C10orf67: variants seen among roughly 807,000 people sequenced by gnomAD.
C10orf67 encodes the protein chromosome 10 open reading frame 67, also known as uncharacterized protein C10orf67, mitochondrial.
In C10orf67, 60 loss-of-function variants were observed where a neutral mutation model predicts 35.6. The observed-to-expected ratio is 1.68, with a 90% CI of 1.37 to 2.09. The LOEUF (loss-of-function observed/expected upper bound fraction) is 2.09. Among genes scored for constraint, C10orf67 ranks in the 30% most tolerant of loss-of-function variants. C10orf67 has a pLI of 0.00. For synonymous variants in C10orf67, 167 were observed against 115.8 expected (o/e 1.44, Z -2.84); for missense variants, 474 against 330.2 (o/e 1.44, Z -3.38).
At chr10:23,309,953 T>C (rs560434722) in intron 4 of C10orf67, among the ~76,000 whole-genome samples, 1 of 152,360 alleles carries the variant, frequency 6.6e-6, no homozygotes, top group African/African-American at 2.4e-5. Flanking sequence ...GGATTTACCT[T>C]TGGCTTTTCA....
chr10:23,310,829 T>A (rs756466803), intron 4 of C10orf67, among the ~76,000 whole-genome samples: 5 of 152,204 alleles, frequency 3.3e-5, no homozygotes, highest in African/African-American at 9.6e-5. Context: ...CCCAAAATGG[T>A]CCTCTTGACC....
At chr10:23,301,442 C>T (rs539163553) in intron 5 of C10orf67, among the ~76,000 whole-genome samples, 1 of 152,204 alleles carries the variant, frequency 6.6e-6, no homozygotes, top group Non-Finnish European at 1.5e-5. Context: ...TATTTTCCTC[C>T]AATTCTAAGG....
At chr10:23,276,177 T>C (rs1363306439) in intron 8 of C10orf67, among the ~76,000 whole-genome samples, 2 of 152,172 alleles carry the variant, frequency 1.3e-5, no homozygotes, top group Admixed American at 6.5e-5. Flanking sequence ...CTTTAACCAC[T>C]GAGTGTAGGT....
At chr10:23,247,445 C>CTA (rs941996837) in intron 12 of C10orf67, among the ~76,000 whole-genome samples, 22 of 152,250 alleles carry the variant, frequency 1.4e-4, no homozygotes, top group African/African-American at 4.3e-4. Flanking sequence ...GAGCAATAGG[C>CTA]TATACCATAT....
At chr10:23,230,109 G>A (rs1452005148) in intron 13 of C10orf67, among the ~76,000 whole-genome samples, 1 of 152,080 alleles carries the variant, frequency 6.6e-6, no homozygotes, top group Non-Finnish European at 1.5e-5. Flanking sequence ...TATTAAATCA[G>A]TGTTATATTG....
At chr10:23,296,034 A>G (rs2132270521) in intron 5 of C10orf67, among the ~76,000 whole-genome samples, 1 of 152,354 alleles carries the variant, frequency 6.6e-6, no homozygotes, top group African/African-American at 2.4e-5. Context: ...GAAGTTTTAA[A>G]TAAGAGTACT....
downstream of C10orf67, chr10:23,202,445 T>C (rs1418151336): frequency 6.6e-6 from 1 of 151,824 alleles, no homozygotes; most frequent in Non-Finnish European, 1.5e-5. Context: ...TTTTTCCTAT[T>C]ATATGCATTT....
At chr10:23,301,527 T>C (rs937989580) in intron 5 of C10orf67, among the ~76,000 whole-genome samples, 2 of 152,302 alleles carry the variant, frequency 1.3e-5, no homozygotes, top group East Asian at 3.9e-4. Flanking sequence ...GTCACCAAAA[T>C]GTTACTGGGG....
At chr10:23,214,616 C>T (rs12771217) in intron 15 of C10orf67, among the ~76,000 whole-genome samples, 1 of 151,734 alleles carries the variant, frequency 6.6e-6, no homozygotes, top group Admixed American at 6.6e-5. Flanking sequence ...ATCCAACAAC[C>T]AAAAAAAGTA....
chr10:23,251,003 G>A (rs1385660075), intron 10 of C10orf67, among the ~76,000 whole-genome samples: 4 of 152,112 alleles, frequency 2.6e-5, no homozygotes, highest in Non-Finnish European at 5.9e-5. Flanking sequence ...AGGCTGAGAA[G>A]GGAGAATTAC....
In C10orf67 at chr10:23,303,417, C is replaced by T; in HGVS notation, c.589G>A (p.Ala197Thr). 3.3e-6 allele frequency: 2 copies of T among 613,540 alleles called. No homozygotes were observed. The highest frequency in any genetic ancestry group is 5.9e-6 in the Non-Finnish European group (2 of 340,246). 38.0% of individuals were successfully genotyped at this position (613,540 alleles called of 1,614,324 possible). A position where few individuals can be genotyped will look rare whatever the true frequency, so the allele number is the denominator to read the frequency against. The change falls in exon 5 of 16, where the codon GCG becomes ACG. Residue 197 changes from alanine (A) to threonine (T), a missense_variant. Ala to Thr is a moderately conservative substitution (Grantham distance 58, BLOSUM62 0). Coordinates refer to ENST00000636213, the MANE Select transcript of C10orf67 (RefSeq NM_001371909.1). ...VEEENVSLQD[A>T]STVKTNILLR... is the part of the protein sequence containing the mutation. ...AAAATATTTGTTTTGACAGTACTCGCATCTTGCAAAGAAACATTCTCTTCT... is the reference window on the plus strand; with the variant it reads ...AAAATATTTGTTTTGACAGTACTCGTATCTTGCAAAGAAACATTCTCTTCT...
intron 2 of C10orf67, among the ~76,000 whole-genome samples, chr10:23,329,922 T>C (rs995856038): frequency 6.6e-6 from 1 of 152,030 alleles, no homozygotes; most frequent in Non-Finnish European, 1.5e-5. Context: ...GGAAATATTA[T>C]GATCCAGTTA....
chr10:23,250,947 A>G (rs998159635), intron 10 of C10orf67, among the ~76,000 whole-genome samples: 2 of 152,096 alleles, frequency 1.3e-5, no homozygotes, highest in African/African-American at 4.8e-5. Context: ...AAAATTAAAC[A>G]TTAGCAAGGC....
chr10:23,302,257 A>G (rs1239911079), intron 5 of C10orf67, among the ~76,000 whole-genome samples: 1 of 151,688 alleles, frequency 6.6e-6, no homozygotes, highest in Non-Finnish European at 1.5e-5. Flanking sequence ...TATAATCTGT[A>G]CATTTTCTAT....
chr10:23,333,827 T>A (rs1845569003), intron 1 of C10orf67, among the ~76,000 whole-genome samples: 2 of 152,284 alleles, frequency 1.3e-5, no homozygotes, highest in African/African-American at 4.8e-5. Flanking sequence ...ACAGCTAGTT[T>A]TTCTTTAAAA....
chr10:23,320,076 A>G (rs1844884553), intron 4 of C10orf67, among the ~76,000 whole-genome samples: 1 of 152,224 alleles, frequency 6.6e-6, no homozygotes, highest in African/African-American at 2.4e-5. Context: ...AGTAACACAC[A>G]GGAGATCCTT....
chr10:23,311,770 G>A (rs1460569331), intron 4 of C10orf67, among the ~76,000 whole-genome samples: 1 of 151,894 alleles, frequency 6.6e-6, no homozygotes, highest in African/African-American at 2.4e-5. Context: ...AATAGTTACT[G>A]CCTGCTGTTC....
At chr10:23,233,274 A>C (rs917305570) in intron 13 of C10orf67, among the ~76,000 whole-genome samples, 1 of 152,228 alleles carries the variant, frequency 6.6e-6, no homozygotes, top group African/African-American at 2.4e-5. Context: ...TATCCTGATG[A>C]CATCTTTTTA....
chr10:23,270,293 C>T (rs113123034), intron 8 of C10orf67, among the ~76,000 whole-genome samples: 191 of 152,240 alleles, frequency 1.3e-3, no homozygotes, highest in African/African-American at 4.5e-3. Flanking sequence ...AACCCCTGCC[C>T]CCAGCCAAGG....
Sources: allele counts gnomAD v4.1 joint callset (sites outside exome capture counted in the v4.1 genomes callset), GRCh38; gene constraint gnomAD v4.1.1; transcripts MANE v1.5; gene names NCBI Gene and HGNC (gene_info 2026-07-23, HGNC 2026-07-21).